GPBP1L1: variants seen among roughly 807,000 people sequenced by gnomAD.
The protein encoded by GPBP1L1 is GC-rich promoter binding protein 1 like 1.
A neutral mutation model predicts 52.5 loss-of-function variants in GPBP1L1; 23 were observed. That is an observed-to-expected ratio of 0.44 (90% confidence interval 0.32 to 0.62). The LOEUF (loss-of-function observed/expected upper bound fraction) is 0.62, where lower values mean the gene tolerates loss of function less well. Ranked by LOEUF, GPBP1L1 falls within the 20% of genes least tolerant of loss-of-function variation. The probability of loss-of-function intolerance (pLI) is 0.06; values close to 1 mark genes in which losing one functional copy is unlikely to be tolerated. For missense variants in GPBP1L1, 596 were observed against 579.3 expected (o/e 1.03, Z -0.30); for synonymous variants, 243 against 203.1 (o/e 1.20, Z -1.67).
intron 6 of GPBP1L1, among the ~76,000 whole-genome samples, chr1:45,649,773 GATT>G (rs1451505595): frequency 2.6e-5 from 4 of 152,002 alleles, no homozygotes; most frequent in Non-Finnish European, 5.9e-5. Context: ...CTTCTTTGAA[GATT>G]ATTAACACTT....
chr1:45,673,708 A>G (rs951223257), intron 2 of GPBP1L1, among the ~76,000 whole-genome samples: 3 of 152,144 alleles, frequency 2.0e-5, no homozygotes, highest in Non-Finnish European at 2.9e-5. Context: ...AAAAATACAA[A>G]AAAATTAGCC....
intron 2 of GPBP1L1, among the ~76,000 whole-genome samples, chr1:45,670,787 CTTTTT>C (rs1157864588): frequency 1.8e-5 from 2 of 111,174 alleles, no homozygotes; most frequent in African/African-American, 3.4e-5. Flanking sequence ...TACCATATGT[CTTTTT>C]TTTTTTTTTT....
chr1:45,643,670 T>TC (rs1390404407), intron 6 of GPBP1L1, among the ~76,000 whole-genome samples: 1 of 133,524 alleles, frequency 7.5e-6, no homozygotes, highest in African/African-American at 2.9e-5. Context: ...TTTTTTTTTT[T>TC]TTTTTTTTTT....
rs1432605229 is a variant in GPBP1L1 at position 45,645,746 on chromosome 1, G to C, written c.478-3247C>G. 8.5e-6 allele frequency: 3 copies of C among 351,786 alleles called. No homozygotes were observed. The East Asian group carries it at 2.4e-4, about 28-fold the overall frequency. 21.8% of individuals were successfully genotyped at this position (351,786 alleles called of 1,614,324 possible). ...CAGTAGTTCTCAGGAAAAGTCTTGGGAACGATATTCCGAAGTTTTTTGTTT... is the reference window on the plus strand; with the variant it reads ...CAGTAGTTCTCAGGAAAAGTCTTGGCAACGATATTCCGAAGTTTTTTGTTT... On this transcript the variant is annotated intron_variant, in intron 6 of 12. Transcript: ENST00000355105.
intron 2 of GPBP1L1, among the ~76,000 whole-genome samples, chr1:45,685,243 A>C (rs1645265333): frequency 6.6e-6 from 1 of 152,186 alleles, no homozygotes; most frequent in Admixed American, 6.6e-5. Flanking sequence ...ACCTTAGAAA[A>C]GATCAGCAGT....
At chr1:45,642,988 G>C (rs1321621420) in intron 6 of GPBP1L1, among the ~76,000 whole-genome samples, 1 of 152,088 alleles carries the variant, frequency 6.6e-6, no homozygotes, top group Non-Finnish European at 1.5e-5. Context: ...TCTTCACACG[G>C]GTCACAGTTT....
At chr1:45,675,838 G>T (rs942607363) in intron 2 of GPBP1L1, among the ~76,000 whole-genome samples, 2 of 152,164 alleles carry the variant, frequency 1.3e-5, no homozygotes, top group African/African-American at 4.8e-5. Flanking sequence ...ACTGTACCCA[G>T]CCTTCTTACT....
At chr1:45,656,138 T>C (rs1453812092) in intron 4 of GPBP1L1, 1 of 152,182 alleles carries the variant, frequency 6.6e-6, no homozygotes, top group Admixed American at 6.5e-5. Context: ...ATACTAAACT[T>C]TTGGCATCAT....
chr1:45,681,435 T>C (rs1473734870), intron 2 of GPBP1L1, among the ~76,000 whole-genome samples: 1 of 152,082 alleles, frequency 6.6e-6, no homozygotes, highest in African/African-American at 2.4e-5. Flanking sequence ...TGAGGAGAAA[T>C]ATGCAAATTA....
rs138007330 is a variant in GPBP1L1 at position 45,665,237 on chromosome 1, T to C, written c.-1097-4012A>G. On this transcript the variant is annotated intron_variant, in intron 2 of 12. Transcript: ENST00000355105. ...CTCGGGAGGTTGAAGTGAGCCGAGATCACGCCATTGCAGGCTGAGGGAGAC... is the reference window on the plus strand; with the variant it reads ...CTCGGGAGGTTGAAGTGAGCCGAGACCACGCCATTGCAGGCTGAGGGAGAC... 2.7e-3 allele frequency among the ~76,000 whole-genome samples: 417 copies of C among 151,966 alleles called. 1 individual carries two copies. The highest frequency in any genetic ancestry group is 4.3e-3 in the Admixed American group (65 of 15,252).
rs1384467684 is a variant in GPBP1L1 at position 45,628,138 on chromosome 1, TTTCCCTTGTG to T, written c.*108_*117del. On this transcript the variant is annotated 3_prime_UTR_variant, in exon 13 of 13. Transcript: ENST00000355105. ...TTGCTCTCTCTTTGGGATATGATTA[TTTCCCTTGTG>T]AATGAAGTATTCAACAACATAAGAA... is the stretch of plus-strand genomic sequence containing the variant. 1.4e-5 allele frequency: 14 copies of T among 987,064 alleles called. No homozygotes were observed. Among genetic ancestry groups the T allele is most frequent in the Non-Finnish European group, 2.0e-5 (13 of 656,766 alleles). 61.1% of individuals were successfully genotyped at this position (987,064 alleles called of 1,614,324 possible).
At chr1:45,653,203 A>G (rs954440399) in intron 6 of GPBP1L1, among the ~76,000 whole-genome samples, 5 of 152,202 alleles carry the variant, frequency 3.3e-5, no homozygotes, top group African/African-American at 1.2e-4. Context: ...CTAACTGATG[A>G]AATGGCTATA....
At chr1:45,673,036 GTTT>G (rs1290154530) in intron 2 of GPBP1L1, among the ~76,000 whole-genome samples, 2 of 152,180 alleles carry the variant, frequency 1.3e-5, no homozygotes, top group African/African-American at 4.8e-5. Context: ...GTCAAAATAA[GTTT>G]TTTACTGCAC....
At position 45,660,482 on chromosome 1, in the gene GPBP1L1, T is replaced by G. The variant is rs923529604; in HGVS notation, c.-354A>C. 9.2e-6 allele frequency: 9 copies of G among 979,218 alleles called. No individual in the cohort carries two copies. In the African/African-American group the frequency reaches 1.4e-4, roughly 15 times the overall value. The allele number at this position is 979,218 out of a possible 1,614,324, so 60.7% of individuals were successfully genotyped here. A position where few individuals can be genotyped will look rare whatever the true frequency, so the allele number is the denominator to read the frequency against. On this transcript the variant is annotated 5_prime_UTR_variant, in exon 3 of 13. Transcript: ENST00000355105. ...AGGGGGGGAAGGGGAAAGAGCTGTA[T>G]CTATGTTCACCTCATTCAACTTCCT...
chr1:45,660,371 T>G lies in GPBP1L1; in HGVS notation c.-243A>C. 1 of 984,950 alleles carries G rather than the reference T, an allele frequency of 1.0e-6. No individual in the cohort carries two copies. Among genetic ancestry groups the G allele is most frequent in the African/African-American group, 1.7e-5 (1 of 57,226 alleles). The allele number at this position is 984,950 out of a possible 1,614,324, so 61.0% of individuals were successfully genotyped here. A position where few individuals can be genotyped will look rare whatever the true frequency, so the allele number is the denominator to read the frequency against. On this transcript the variant is annotated 5_prime_UTR_variant, in exon 3 of 13. Coordinates refer to ENST00000355105, the MANE Select transcript of GPBP1L1 (RefSeq NM_021639.5). Reference sequence around the variant, plus strand: ...CCCTCAACTGCTCATCTTAAACTATTTGGTTCCTGACACGTTTCCAAAAGG... The same window carrying G: ...CCCTCAACTGCTCATCTTAAACTATGTGGTTCCTGACACGTTTCCAAAAGG...
At chr1:45,654,082 G>A (rs1364072992) in intron 6 of GPBP1L1, among the ~76,000 whole-genome samples, 1 of 152,002 alleles carries the variant, frequency 6.6e-6, no homozygotes, top group Non-Finnish European at 1.5e-5. Context: ...GAGGCCAAAA[G>A]GCATGTAATT....
At chr1:45,676,917 C>A (rs140290201) in intron 2 of GPBP1L1, among the ~76,000 whole-genome samples, 1 of 150,648 alleles carries the variant, frequency 6.6e-6, no homozygotes, top group Non-Finnish European at 1.5e-5. Context: ...TCGCCAGGAA[C>A]GGTGGCTCAT....
intron 6 of GPBP1L1, among the ~76,000 whole-genome samples, chr1:45,653,836 T>A (rs897787318): frequency 1.3e-5 from 2 of 151,702 alleles, no homozygotes; most frequent in Non-Finnish European, 2.9e-5. Context: ...GTAGCTGGAA[T>A]TATAGGCACT....
chr1:45,638,093 A>G (rs1374102966), intron 8 of GPBP1L1, among the ~76,000 whole-genome samples: 2 of 152,214 alleles, frequency 1.3e-5, no homozygotes, highest in Admixed American at 6.5e-5. Context: ...ACATCAGAGG[A>G]AAATAAACCC....
Sources: gnomAD v4.1 joint callset for allele counts (sites outside exome capture counted in the v4.1 genomes callset) on GRCh38, gnomAD v4.1.1 for gene constraint, MANE v1.5 for transcripts, NCBI Gene and HGNC (gene_info 2026-07-23, HGNC 2026-07-21) for gene names.